Variants in CLSTN2 observed in about 807,000 individuals in gnomAD.
CLSTN2 encodes the protein calsyntenin-2.
Under a neutral mutation model 101.2 loss-of-function variants are expected in CLSTN2, and 48 were observed. The observed-to-expected ratio is 0.47, with a 90% CI of 0.38 to 0.60. CLSTN2 has a LOEUF of 0.60. Among genes scored for constraint, CLSTN2 ranks in the 20% least tolerant of loss-of-function variants. The pLI, the probability that CLSTN2 is intolerant of heterozygous loss-of-function variation, is 0.00. For missense variants in CLSTN2, 1,160 were observed against 1,238.2 expected (o/e 0.94, Z 0.95); for synonymous variants, 481 against 463.6 (o/e 1.04, Z -0.48).
intron 8 of CLSTN2, among the ~76,000 whole-genome samples, chr3:140,477,829 C>T (rs1190440468): frequency 6.6e-6 from 1 of 152,190 alleles, no homozygotes; most frequent in Non-Finnish European, 1.5e-5. Context: ...ACAGTGCAAT[C>T]CCCAATGGCA....
chr3:140,472,736 G>A (rs56178346), intron 8 of CLSTN2, among the ~76,000 whole-genome samples: 12,230 of 152,168 alleles, frequency 0.08, 646 homozygotes, highest in East Asian at 0.12. Context: ...GCAGAATTCC[G>A]AATGACTTTT....
At chr3:139,966,845 A>G (rs1292655905) in intron 1 of CLSTN2, among the ~76,000 whole-genome samples, 2 of 152,184 alleles carry the variant, frequency 1.3e-5, no homozygotes, top group Non-Finnish European at 2.9e-5. Flanking sequence ...GACCCAAGGT[A>G]GAGACTGAGG....
chr3:140,347,163 C>A (rs1222305154), intron 2 of CLSTN2, among the ~76,000 whole-genome samples: 1 of 152,198 alleles, frequency 6.6e-6, no homozygotes, highest in East Asian at 1.9e-4. Context: ...TCTCAATAAA[C>A]ACCACTGACT....
intron 2 of CLSTN2, among the ~76,000 whole-genome samples, chr3:140,210,559 T>G (rs559037590): frequency 6.6e-6 from 1 of 152,350 alleles, no homozygotes; most frequent in South Asian, 2.1e-4. Context: ...CGTGTTATAC[T>G]GAGGGAATGT....
intron 8 of CLSTN2, among the ~76,000 whole-genome samples, chr3:140,509,528 C>A (rs1934763998): frequency 6.6e-6 from 1 of 152,128 alleles, no homozygotes; most frequent in African/African-American, 2.4e-5. Context: ...TGAGGCTTTT[C>A]CAAAGCATTT....
chr3:140,198,184 C>T (rs903382637), intron 2 of CLSTN2, among the ~76,000 whole-genome samples: 1 of 152,196 alleles, frequency 6.6e-6, no homozygotes, highest in Non-Finnish European at 1.5e-5. Flanking sequence ...TAAATTTTAT[C>T]TTCTTACTGT....
rs552612313 is a variant in CLSTN2, at chr3:140,575,289, A to G, written c.*9036A>G. On this transcript the variant is annotated 3_prime_UTR_variant, in exon 17 of 17. Coordinates refer to ENST00000458420, the MANE Select transcript of CLSTN2 (RefSeq NM_022131.3). ...GACTCATAGTTGGAGAGGAAACAGGAGAGTGGGTACAAGTGACAGCACCAG... is the reference window on the plus strand; with the variant it reads ...GACTCATAGTTGGAGAGGAAACAGGGGAGTGGGTACAAGTGACAGCACCAG... 6.6e-6 allele frequency: 1 copy of G among 152,224 alleles called. No individual in the cohort carries two copies. The highest frequency in any genetic ancestry group is 1.5e-5 in the Non-Finnish European group (1 of 68,054). The allele number at this position is 152,224 out of a possible 1,614,324, so 9.4% of individuals were successfully genotyped here. A position where few individuals can be genotyped will look rare whatever the true frequency, so the allele number is the denominator to read the frequency against.
intron 2 of CLSTN2, among the ~76,000 whole-genome samples, chr3:140,345,600 ATTTTT>A (rs35828839): frequency 0.02 from 2,477 of 121,116 alleles, 72 homozygotes; most frequent in African/African-American, 0.073. Context: ...TATGTGTGGA[ATTTTT>A]TTTTTTTTTT....
chr3:140,100,014 C>T (rs1365588195), intron 1 of CLSTN2, among the ~76,000 whole-genome samples: 3 of 152,190 alleles, frequency 2.0e-5, no homozygotes. Flanking sequence ...CCTCTTTCTC[C>T]TTCGTTTTCC....
intron 1 of CLSTN2, among the ~76,000 whole-genome samples, chr3:140,077,294 C>G (rs374819754): frequency 6.6e-6 from 1 of 152,174 alleles, no homozygotes; most frequent in African/African-American, 2.4e-5. Context: ...GCTACCTCTT[C>G]CTTTGTTCTT....
At chr3:140,068,344 A>C (rs2008333343) in intron 1 of CLSTN2, among the ~76,000 whole-genome samples, 1 of 152,212 alleles carries the variant, frequency 6.6e-6, no homozygotes, top group Non-Finnish European at 1.5e-5. Context: ...AACAGACTCA[A>C]TGAACCCTTT....
At chr3:140,043,469 T>C (rs1415880899) in intron 1 of CLSTN2, among the ~76,000 whole-genome samples, 1 of 152,214 alleles carries the variant, frequency 6.6e-6, no homozygotes, top group Non-Finnish European at 1.5e-5. Context: ...TCCCATTCTG[T>C]AGGTTGCCTG....
chr3:140,005,621 G>T (rs553103341), intron 1 of CLSTN2, among the ~76,000 whole-genome samples: 1 of 152,106 alleles, frequency 6.6e-6, no homozygotes, highest in African/African-American at 2.4e-5. Context: ...AATTCCCACC[G>T]TTGAACAGCT....
At position 140,576,840 on chromosome 3, in the gene CLSTN2, A is replaced by G. The variant is rs1337028241; in HGVS notation, c.*10587A>G. 1 of 152,242 alleles carries G rather than the reference A, an allele frequency of 6.6e-6. No homozygotes were observed. The highest frequency in any genetic ancestry group is 1.5e-5 in the Non-Finnish European group (1 of 68,042). 9.4% of individuals were successfully genotyped at this position (152,242 alleles called of 1,614,324 possible). Reference sequence around the variant, plus strand: ...AGAATGAATCTTTTTAGTCTAGAAAATGTGTTTATTTGATAAATATACTAT... The same window carrying G: ...AGAATGAATCTTTTTAGTCTAGAAAGTGTGTTTATTTGATAAATATACTAT... On this transcript the variant is annotated 3_prime_UTR_variant, in exon 17 of 17. Coordinates refer to ENST00000458420, the MANE Select transcript of CLSTN2 (RefSeq NM_022131.3).
intron 1 of CLSTN2, among the ~76,000 whole-genome samples, chr3:140,073,710 G>A (rs1302828151): frequency 7.9e-5 from 12 of 152,226 alleles, no homozygotes; most frequent in Admixed American, 7.9e-4. Context: ...GATGTTGGCA[G>A]AGAGCATTTA....
At chr3:140,306,703 T>A (rs563343319) in intron 2 of CLSTN2, among the ~76,000 whole-genome samples, 1 of 152,230 alleles carries the variant, frequency 6.6e-6, no homozygotes, top group Non-Finnish European at 1.5e-5. Context: ...CCTATTACTA[T>A]TTTGAGTCTC....
rs187312026 is a variant in CLSTN2 at position 140,011,162 on chromosome 3, A to G, written c.109+75679A>G. Among the ~76,000 whole-genome samples the G allele has an allele frequency of 1.4e-4, 21 of 152,336 alleles. No homozygotes were observed. The East Asian group carries it at 2.9e-3, about 21-fold the overall frequency. On this transcript the variant is annotated intron_variant, in intron 1 of 16. Transcript: ENST00000458420. ...CCCCAGAGGGCTCTGAGCTTGAGCCATGGTGCTGTTAACCTAGAAGCCTGG... is the reference window on the plus strand; with the variant it reads ...CCCCAGAGGGCTCTGAGCTTGAGCCGTGGTGCTGTTAACCTAGAAGCCTGG...
At chr3:140,197,343 G>T (rs1318840945) in intron 2 of CLSTN2, among the ~76,000 whole-genome samples, 1 of 152,124 alleles carries the variant, frequency 6.6e-6, no homozygotes, top group African/African-American at 2.4e-5. Flanking sequence ...TATGTGCCTG[G>T]TGCTGTACTG....
rs557427494 is a variant in CLSTN2 at position 140,066,023 on chromosome 3, T to C, written c.110-109928T>C. ...ACTGATTGATGGGCAGATATTATTA[T>C]CCCGTTCAACAGAATTGGTAACTGA... is the stretch of plus-strand genomic sequence containing the variant. On this transcript the variant is annotated intron_variant, in intron 1 of 16. Coordinates refer to ENST00000458420, the MANE Select transcript of CLSTN2 (RefSeq NM_022131.3). Among the ~76,000 whole-genome samples, 7 of 152,332 alleles carry C rather than the reference T, an allele frequency of 4.6e-5. No homozygotes were observed. In the East Asian group the frequency reaches 1.4e-3, roughly 29 times the overall value.
Sources: gnomAD v4.1 joint callset for allele counts (sites outside exome capture counted in the v4.1 genomes callset) on GRCh38, gnomAD v4.1.1 for gene constraint, MANE v1.5 for transcripts, NCBI Gene and HGNC (gene_info 2026-07-23, HGNC 2026-07-21) for gene names.